Variants in ANKRD17 observed in about 807,000 individuals in gnomAD.
The protein encoded by ANKRD17 is ankyrin repeat domain 17, also known as ankyrin repeat domain-containing protein 17.
ANKRD17 carries 19 observed loss-of-function variants against 229.7 expected under a neutral mutation model. That is an observed-to-expected ratio of 0.08 (90% CI 0.06 to 0.12). The LOEUF (loss-of-function observed/expected upper bound fraction) is 0.12. ANKRD17 is among the 10% of genes least tolerant of loss of function. The pLI is 1.00. For missense variants in ANKRD17, 2,176 were observed against 3,176.8 expected (o/e 0.68, Z 7.57); for synonymous variants, 1,112 against 1,146.1 (o/e 0.97, Z 0.60).
At chr4:73,079,484 T>C (rs1721330935) in intron 30 of ANKRD17, among the ~76,000 whole-genome samples, 1 of 152,148 alleles carries the variant, frequency 6.6e-6, no homozygotes, top group African/African-American at 2.4e-5. Flanking sequence ...CCTCAAACTC[T>C]TGGGCTCAAG....
intron 1 of ANKRD17, chr4:73,222,864 T>C (rs1364624332): frequency 1.1e-6 from 1 of 892,784 alleles, no homozygotes; most frequent in East Asian, 2.6e-5. Context: ...TTTTATGCTC[T>C]GCTTCTCTTT....
chr4:73,160,165 C>A (rs1242350780), intron 3 of ANKRD17, among the ~76,000 whole-genome samples: 2 of 142,484 alleles, frequency 1.4e-5, no homozygotes, highest in Admixed American at 7.0e-5. Context: ...ATTAATGATT[C>A]TTTTCTAGTT....
chr4:73,194,175 T>C (rs963074709), intron 1 of ANKRD17, among the ~76,000 whole-genome samples: 1 of 152,244 alleles, frequency 6.6e-6, no homozygotes, highest in Non-Finnish European at 1.5e-5. Flanking sequence ...ATATATAAAA[T>C]ACTTCTATCT....
chr4:73,179,480 G>A (rs1404042631), intron 1 of ANKRD17, among the ~76,000 whole-genome samples: 2 of 60,322 alleles, frequency 3.3e-5, no homozygotes, highest in Admixed American at 4.5e-4. Flanking sequence ...GTGTGTGTGT[G>A]TGTGTGTGTA....
intron 24 of ANKRD17, among the ~76,000 whole-genome samples, chr4:73,105,030 T>G (rs1052407502): frequency 6.6e-6 from 1 of 152,100 alleles, no homozygotes; most frequent in Non-Finnish European, 1.5e-5. Context: ...AATTTTGAAG[T>G]TTTAAAGCCG....
At chr4:73,104,628 G>C (rs1292499914) in intron 24 of ANKRD17, among the ~76,000 whole-genome samples, 1 of 152,164 alleles carries the variant, frequency 6.6e-6, no homozygotes. Flanking sequence ...AATGCTTTGG[G>C]GGAGAATCAA....
At chr4:73,252,846 T>A (rs910014069) in intron 1 of ANKRD17, among the ~76,000 whole-genome samples, 2 of 152,218 alleles carry the variant, frequency 1.3e-5, no homozygotes, top group Non-Finnish European at 2.9e-5. Flanking sequence ...TATTTTTCTA[T>A]ACTTTTCTGT....
intron 2 of ANKRD17, among the ~76,000 whole-genome samples, chr4:73,164,195 T>C (rs1578240340): frequency 6.6e-6 from 1 of 152,206 alleles, no homozygotes; most frequent in South Asian, 2.1e-4. Flanking sequence ...TTTTCAGCCA[T>C]CTGAGATCAC....
intron 1 of ANKRD17, among the ~76,000 whole-genome samples, chr4:73,195,136 CTT>C (rs1737679715): frequency 6.6e-6 from 1 of 151,572 alleles, no homozygotes; most frequent in Non-Finnish European, 1.5e-5. Flanking sequence ...AATTTTTTTT[CTT>C]GAGTGTGCTG....
At chr4:73,128,747 C>T (rs917671790) in intron 16 of ANKRD17, among the ~76,000 whole-genome samples, 3 of 152,056 alleles carry the variant, frequency 2.0e-5, no homozygotes, top group Non-Finnish European at 2.9e-5. Context: ...AAGAAAACAG[C>T]TTTAAATTCC....
At chr4:73,174,231 T>C (rs968244413) in intron 2 of ANKRD17, among the ~76,000 whole-genome samples, 1 of 152,084 alleles carries the variant, frequency 6.6e-6, no homozygotes, top group African/African-American at 2.4e-5. Context: ...AAAGATAATA[T>C]ACCTTGATCA....
Position 73,098,364 on chromosome 4 carries a change from G to A in ANKRD17, c.4730C>T (p.Thr1577Ile). ...SKRKNRKNKI[T>I]PENVQIIFDD... ...AAATATAATTTGAACGTTTTCTGGA[G>A]TAATTTTATTTTTCCTGTTTTTCCT... Residue 1577 changes from threonine (T) to isoleucine (I), a missense_variant, in exon 26 of 34, where the codon ACT becomes ATT. By Grantham distance (89) the Thr-to-Ile change is moderately conservative (BLOSUM62 -1). Coordinates refer to ENST00000358602, the MANE Select transcript of ANKRD17 (RefSeq NM_032217.5). The A allele has an allele frequency of 6.2e-7, 1 of 1,614,170 alleles. No individual in the cohort carries two copies. The highest frequency in any genetic ancestry group is 1.3e-5 in the African/African-American group (1 of 75,050).
chr4:73,258,382 C>T lies in ANKRD17; in HGVS notation c.287G>A (p.Gly96Asp). The T allele has an allele frequency of 6.2e-7, 1 of 1,611,600 alleles. No homozygotes were observed. ...GCCTCCACCGCCGCCTCCACCGCCG[C>T]CGCTGTTGTCGCTGTCGCTGCTGCT... ...SESSSDSDNS[G>D]GGGGGGGGGG... The change falls in exon 1 of 34, where the codon GGC becomes GAC. Residue 96 changes from glycine (G) to aspartate (D), a missense_variant. By Grantham distance (94) the Gly-to-Asp change is moderately conservative. Transcript: ENST00000358602.
chr4:73,082,945 G>T (rs1721723814), intron 30 of ANKRD17, among the ~76,000 whole-genome samples: 3 of 152,156 alleles, frequency 2.0e-5, no homozygotes, highest in African/African-American at 7.2e-5. Flanking sequence ...CATCATAGTT[G>T]TTGAAGGGAA....
chr4:73,089,342 T>TA (rs926230063), intron 29 of ANKRD17, among the ~76,000 whole-genome samples: 167 of 150,262 alleles, frequency 1.1e-3, no homozygotes, highest in Admixed American at 2.0e-3. Context: ...AGCCTATTCT[T>TA]AAAAAAAAAA....
Position 73,153,932 on chromosome 4 carries a change from A to G in ANKRD17, c.1182T>C (p.Asn394=). Residue 394 remains asparagine, a synonymous_variant, in exon 6 of 34, where the codon AAT becomes AAC. Transcript: ENST00000358602. ...TCTCTTTAAATTCATTAGAATGCGT[A>G]TTAATGCCAGCCCCATTTTCTAGCA... ...RLLLENGAGI[N]THSNEFKESA... is the part of the protein sequence containing the mutation. The G allele has an allele frequency of 6.2e-7, 1 of 1,611,500 alleles. No homozygotes were observed. The highest frequency in any genetic ancestry group is 8.5e-7 in the Non-Finnish European group (1 of 1,178,760).
intron 26 of ANKRD17, among the ~76,000 whole-genome samples, chr4:73,097,763 C>T (rs892273161): frequency 6.6e-6 from 1 of 151,964 alleles, no homozygotes; most frequent in Non-Finnish European, 1.5e-5. Context: ...TAAGAAGATA[C>T]TATCTAGGGT....
At chr4:73,101,476 C>A (rs1723974390) in intron 25 of ANKRD17, among the ~76,000 whole-genome samples, 1 of 151,830 alleles carries the variant, frequency 6.6e-6, no homozygotes, top group African/African-American at 2.4e-5. Context: ...GCTAGCCTGG[C>A]CAACATGGCA....
At position 73,194,766 on chromosome 4, in the gene ANKRD17, A is replaced by G. The variant is rs944707823; in HGVS notation, c.394-17233T>C. 2.6e-5 allele frequency among the ~76,000 whole-genome samples: 4 copies of G among 152,260 alleles called. No homozygotes were observed. The South Asian group carries it at 8.3e-4, about 32-fold the overall frequency. ...GGGACTTTAACCTACTCCTTCCACC[A>G]TAGGCAAAAATTAACCTGAAATAAA... is the stretch of plus-strand genomic sequence containing the variant. On this transcript the variant is annotated intron_variant, in intron 1 of 33. Transcript: ENST00000358602.
Sources: gnomAD v4.1 joint callset for allele counts (sites outside exome capture counted in the v4.1 genomes callset) on GRCh38, gnomAD v4.1.1 for gene constraint, MANE v1.5 for transcripts, NCBI Gene and HGNC (gene_info 2026-07-23, HGNC 2026-07-21) for gene names.